Variants in TMEM248 observed in about 807,000 individuals in gnomAD.
The protein encoded by TMEM248 is UPF0458 protein C7orf42.
A neutral mutation model predicts 30.3 loss-of-function variants in TMEM248; 9 were observed. The ratio of observed to expected loss-of-function variants is 0.30; its 90% CI spans 0.18 to 0.52. TMEM248 has a LOEUF of 0.52. TMEM248 is among the 20% of genes least tolerant of loss of function. TMEM248 has a pLI of 0.97. For synonymous variants in TMEM248, 184 were observed against 154.4 expected (o/e 1.19, Z -1.42); for missense variants, 338 against 403.3 (o/e 0.84, Z 1.39).
Position 66,945,278 on chromosome 7 carries a change from C to G in TMEM248, c.445+17C>G, listed in dbSNP as rs758926365. 4 of 1,607,832 alleles carry G rather than the reference C, an allele frequency of 2.5e-6. No homozygotes were observed. The highest frequency in any genetic ancestry group is 3.4e-6 in the Non-Finnish European group (4 of 1,174,760). On this transcript the variant is annotated intron_variant, in intron 3 of 6. Coordinates refer to ENST00000341567, the MANE Select transcript of TMEM248 (RefSeq NM_017994.5). ...GACTTTCAGGTATGCAGTAGCCACTCTCCACTCAGGCTCCTTAGGCAACCA... is the reference window on the plus strand; with the variant it reads ...GACTTTCAGGTATGCAGTAGCCACTGTCCACTCAGGCTCCTTAGGCAACCA...
intron 1 of TMEM248, among the ~76,000 whole-genome samples, chr7:66,937,711 C>A (rs1300759865): frequency 6.6e-6 from 1 of 152,034 alleles, no homozygotes; most frequent in East Asian, 1.9e-4. Context: ...TTTTCCATTT[C>A]TTTATTTTCT....
At chr7:66,927,676 C>T (rs1367147854) in intron 1 of TMEM248, among the ~76,000 whole-genome samples, 1 of 148,756 alleles carries the variant, frequency 6.7e-6, no homozygotes, top group Non-Finnish European at 1.5e-5. Context: ...AGGCTGGTCT[C>T]GAACTCCTGT....
At position 66,944,964 on chromosome 7, in the gene TMEM248, A is replaced by T; in HGVS notation, c.160-12A>T. The T allele has an allele frequency of 6.2e-7, 1 of 1,612,418 alleles. No individual in the cohort carries two copies. The highest frequency in any genetic ancestry group is 2.2e-5 in the East Asian group (1 of 44,868). On this transcript the variant is annotated splice_polypyrimidine_tract_variant and intron_variant, in intron 2 of 6. Transcript: ENST00000341567. ...CTTAACACCCATTTCTCTTTCTTTC[A>T]CTTTCCCAAAGGATTGGAATACTTT...
chr7:66,954,265 A>G (rs1792347866), intron 6 of TMEM248, among the ~76,000 whole-genome samples: 1 of 152,148 alleles, frequency 6.6e-6, no homozygotes, highest in South Asian at 2.1e-4. Flanking sequence ...TATAATACCT[A>G]ATACAATGTA....
At chr7:66,938,237 T>C (rs1791856276) in intron 1 of TMEM248, among the ~76,000 whole-genome samples, 1 of 152,188 alleles carries the variant, frequency 6.6e-6, no homozygotes, top group African/African-American at 2.4e-5. Context: ...GGTCTTGTCT[T>C]CTTTCTTTCC....
At position 66,921,249 on chromosome 7, in the gene TMEM248, C is replaced by T. The variant is rs1321354647; in HGVS notation, c.-231C>T. Reference sequence around the variant, plus strand: ...CACCCGGAAACCGCGGTTGCCGGAGCCCGAACTGAGGCGGCGGCGGGAGCC... The same window carrying T: ...CACCCGGAAACCGCGGTTGCCGGAGTCCGAACTGAGGCGGCGGCGGGAGCC... On this transcript the variant is annotated 5_prime_UTR_variant, in exon 1 of 7. Coordinates refer to ENST00000341567, the MANE Select transcript of TMEM248 (RefSeq NM_017994.5). 6.6e-6 allele frequency: 1 copy of T among 150,640 alleles called. No individual in the cohort carries two copies. 9.3% of individuals were successfully genotyped at this position (150,640 alleles called of 1,614,324 possible). A position where few individuals can be genotyped will look rare whatever the true frequency, so the allele number is the denominator to read the frequency against.
chr7:66,952,951 G>A (rs547952018), intron 5 of TMEM248, among the ~76,000 whole-genome samples: 1 of 152,300 alleles, frequency 6.6e-6, no homozygotes, highest in South Asian at 2.1e-4. Context: ...GGAGGGGCAG[G>A]GTTCAGGCAG....
intron 1 of TMEM248, among the ~76,000 whole-genome samples, chr7:66,937,961 G>A (rs533111765): frequency 6.6e-6 from 1 of 152,158 alleles, no homozygotes; most frequent in East Asian, 1.9e-4. Context: ...CCTGACCTCA[G>A]GTGATCTGCC....
chr7:66,952,280 G>GC (rs1474750741), intron 5 of TMEM248, among the ~76,000 whole-genome samples: 2 of 152,058 alleles, frequency 1.3e-5, no homozygotes, highest in Non-Finnish European at 2.9e-5. Flanking sequence ...CGACATGTTG[G>GC]CCAGGTTGGT....
At chr7:66,944,894 A>G (rs35111158) in intron 2 of TMEM248, 82 bp from the exon 3 acceptor site, 166,301 of 1,467,212 alleles carry the variant, frequency 0.11, 10,642 homozygotes, top group Middle Eastern at 0.22. Context: ...CTGCGGTGCC[A>G]CACTGGGGTC....
chr7:66,925,363 A>G (rs1791496322), intron 1 of TMEM248, among the ~76,000 whole-genome samples: 1 of 152,140 alleles, frequency 6.6e-6, no homozygotes, highest in African/African-American at 2.4e-5. Context: ...TAACTCAAAA[A>G]AGAAAAAATA....
rs1209125236 is a variant in TMEM248 at position 66,942,170 on chromosome 7, A to G, written c.159+146A>G. ...ATTTATTCAGAATTTTCTGTTTTCC[A>G]TCTCCCCAGGACTCACTTTGTTAGG... On this transcript the variant is annotated intron_variant, in intron 2 of 6. Coordinates refer to ENST00000341567, the MANE Select transcript of TMEM248 (RefSeq NM_017994.5). The G allele has an allele frequency of 6.9e-6, 6 of 869,484 alleles. No homozygotes were observed. In the East Asian group the frequency reaches 1.0e-4, roughly 15 times the overall value. The allele number at this position is 869,484 out of a possible 1,614,324, so 53.9% of individuals were successfully genotyped here.
chr7:66,934,010 A>G (rs549410203), intron 1 of TMEM248, among the ~76,000 whole-genome samples: 19 of 151,810 alleles, frequency 1.3e-4, no homozygotes, highest in African/African-American at 4.6e-4. Flanking sequence ...ATTAATTAAA[A>G]CTAACATTTG....
At position 66,953,245 on chromosome 7, in the gene TMEM248, A is replaced by G; in HGVS notation, c.800A>G (p.Asn267Ser). 6.2e-7 allele frequency: 1 copy of G among 1,614,046 alleles called. No homozygotes were observed. ...IVPDDDRSLI[N>S]LHLMHTSYFL... Reference sequence around the variant, plus strand: ...ATTTAGGATGACCGTTCATTAATAAATTTGCATCTCATGCACACCAGTTAC... The same window carrying G: ...ATTTAGGATGACCGTTCATTAATAAGTTTGCATCTCATGCACACCAGTTAC... Residue 267 changes from asparagine (N) to serine (S), a missense_variant, in exon 6 of 7, where the codon AAT becomes AGT. Physicochemically the swap from Asn to Ser is conservative, Grantham distance 46. Coordinates refer to ENST00000341567, the MANE Select transcript of TMEM248 (RefSeq NM_017994.5).
Position 66,956,671 on chromosome 7 carries a change from T to G in TMEM248, c.*1149T>G, listed in dbSNP as rs540248045. The stretch of plus-strand genomic sequence containing the variant: ...GGGAAAACTGAAAGCATTTTTCTTA[T>G]AACTTTTTTTCTTTTTCTTTTTTTT... On this transcript the variant is annotated 3_prime_UTR_variant, in exon 7 of 7. Coordinates refer to ENST00000341567, the MANE Select transcript of TMEM248 (RefSeq NM_017994.5). The G allele has an allele frequency of 6.6e-6, 1 of 152,126 alleles. No homozygotes were observed. The highest frequency in any genetic ancestry group is 1.9e-4 in the East Asian group (1 of 5,202). The allele number at this position is 152,126 out of a possible 1,614,324, so 9.4% of individuals were successfully genotyped here. A position where few individuals can be genotyped will look rare whatever the true frequency, so the allele number is the denominator to read the frequency against.
Position 66,951,183 on chromosome 7 carries a change from C to T in TMEM248, c.780+48C>T, listed in dbSNP as rs368235173. ...GTGTGTGTGCGTGCATGCATATGCA[C>T]ATGTGTGCGCATGTGCTGCAACCGT... On this transcript the variant is annotated intron_variant, in intron 5 of 6. Coordinates refer to ENST00000341567, the MANE Select transcript of TMEM248 (RefSeq NM_017994.5). 4 of 1,473,466 alleles carry T rather than the reference C, an allele frequency of 2.7e-6. No homozygotes were observed. In the African/African-American group the frequency reaches 4.3e-5, roughly 16 times the overall value. 91.3% of individuals were successfully genotyped at this position (1,473,466 alleles called of 1,614,324 possible).
At chr7:66,946,363 A>G (rs183809960) in intron 3 of TMEM248, among the ~76,000 whole-genome samples, 2 of 152,192 alleles carry the variant, frequency 1.3e-5, no homozygotes, top group African/African-American at 4.8e-5. Flanking sequence ...GGATCACTTG[A>G]GGTCAGGAGT....
chr7:66,938,848 T>C (rs1281705946), intron 1 of TMEM248, among the ~76,000 whole-genome samples: 1 of 152,150 alleles, frequency 6.6e-6, no homozygotes, highest in Non-Finnish European at 1.5e-5. Context: ...ATAAACCATA[T>C]TAAAGAAAAC....
intron 1 of TMEM248, among the ~76,000 whole-genome samples, chr7:66,935,400 C>T (rs902040890): frequency 2.0e-5 from 3 of 152,166 alleles, no homozygotes; most frequent in South Asian, 2.1e-4. Flanking sequence ...CCAGGCTAGC[C>T]TCAAACTCCT....
Sources: allele counts gnomAD v4.1 joint callset (sites outside exome capture counted in the v4.1 genomes callset), GRCh38; gene constraint gnomAD v4.1.1; transcripts MANE v1.5; gene names NCBI Gene and HGNC (gene_info 2026-07-23, HGNC 2026-07-21).